The following SUGCT variants were observed in gnomAD, a reference collection of about 807,000 sequenced individuals.
SUGCT encodes succinyl-CoA:glutarate-CoA transferase.
Under a neutral mutation model 55.0 loss-of-function variants are expected in SUGCT, and 41 were observed. That is an observed-to-expected ratio of 0.74 (90% CI 0.58 to 0.97). SUGCT has a LOEUF of 0.97. SUGCT is among the 50% of genes least tolerant of loss of function. SUGCT has a pLI of 0.00. For missense variants in SUGCT, 568 were observed against 547.8 expected, an observed-to-expected ratio of 1.04 and a Z score of -0.37; for synonymous variants, 187 against 200.4, an observed-to-expected ratio of 0.93 and a Z score of 0.56.
the SUGCT span, among the ~76,000 whole-genome samples, chr7:41,034,904 T>C: frequency 2.0e-5 from 3 of 152,172 alleles, no homozygotes; most frequent in African/African-American, 7.2e-5. Context: ...GAGTTGAGAA[T>C]TTGAATAGCG....
At chr7:40,279,215 T>C (rs933402048) in intron 8 of SUGCT, among the ~76,000 whole-genome samples, 1 of 152,112 alleles carries the variant, frequency 6.6e-6, no homozygotes, top group African/African-American at 2.4e-5. Flanking sequence ...CCATGAGAGA[T>C]AAAGGAAGTT....
At chr7:40,153,936 G>A (rs11760739) in intron 1 of SUGCT, 152,580 of 355,406 alleles carry the variant, frequency 0.43, 35,453 homozygotes, top group Middle Eastern at 0.59. Context: ...TATGGGAGAT[G>A]AGTTGCGTCT....
At chr7:40,621,069 C>A (rs1296248428) in intron 12 of SUGCT, among the ~76,000 whole-genome samples, 1 of 152,102 alleles carries the variant, frequency 6.6e-6, no homozygotes, top group East Asian at 1.9e-4. Context: ...AAATAAGCAT[C>A]AATGTTTTTT....
At chr7:40,779,690 C>T (rs941147255) in intron 13 of SUGCT, among the ~76,000 whole-genome samples, 1 of 152,180 alleles carries the variant, frequency 6.6e-6, no homozygotes, top group Non-Finnish European at 1.5e-5. Context: ...CTCTAAAGAG[C>T]AGAAGAGAGC....
In SUGCT at chr7:40,611,489, G is replaced by A. The variant is rs994893615; in HGVS notation, c.1089+115103G>A. 5.8e-4 allele frequency among the ~76,000 whole-genome samples: 89 copies of A among 152,286 alleles called. No homozygotes were observed. The Middle Eastern group carries it at 0.01, about 17-fold the overall frequency. ...ACAAACTTCAGGAAATAGGGTTACT[G>A]GATCTTCATGTGGAGTGTTGCTTTT... is the stretch of plus-strand genomic sequence containing the variant. On this transcript the variant is annotated intron_variant, in intron 12 of 13. Coordinates refer to ENST00000335693, the MANE Select transcript of SUGCT (RefSeq NM_001193313.2).
At chr7:40,336,912 A>T (rs935098473) in intron 9 of SUGCT, among the ~76,000 whole-genome samples, 6 of 152,062 alleles carry the variant, frequency 3.9e-5, no homozygotes, top group African/African-American at 1.2e-4. Context: ...CTCTACACAC[A>T]GCTTTAAATG....
chr7:40,884,300 C>G, the SUGCT span, among the ~76,000 whole-genome samples: 46 of 152,312 alleles, frequency 3.0e-4, no homozygotes, highest in African/African-American at 1.1e-3. Flanking sequence ...AGATTTGTAT[C>G]AACATTAATG....
intron 12 of SUGCT, among the ~76,000 whole-genome samples, chr7:40,553,453 C>T (rs762241666): frequency 1.3e-5 from 2 of 152,158 alleles, no homozygotes; most frequent in Admixed American, 6.5e-5. Context: ...ATTGCACTTG[C>T]ATGTTTTCTC....
intron 9 of SUGCT, among the ~76,000 whole-genome samples, chr7:40,381,572 C>T (rs1038031417): frequency 2.0e-5 from 3 of 152,098 alleles, no homozygotes; most frequent in Non-Finnish European, 4.4e-5. Context: ...AATTCAGTAA[C>T]TTCCTAATTG....
chr7:40,775,651 C>T (rs979494983), intron 13 of SUGCT: 2 of 152,176 alleles, frequency 1.3e-5, no homozygotes, highest in Non-Finnish European at 2.9e-5. Flanking sequence ...ATGGACATAC[C>T]TTATGCCTTT....
chr7:40,189,171 G>C (rs544645562), intron 4 of SUGCT, among the ~76,000 whole-genome samples: 1 of 151,940 alleles, frequency 6.6e-6, no homozygotes. Flanking sequence ...GCGATACCCC[G>C]TCTCTACTAA....
At chr7:40,541,742 T>C (rs1015650390) in intron 12 of SUGCT, among the ~76,000 whole-genome samples, 3 of 152,220 alleles carry the variant, frequency 2.0e-5, no homozygotes, top group Admixed American at 6.5e-5. Flanking sequence ...CAAAGGAATG[T>C]AAATATAACA....
the SUGCT span, among the ~76,000 whole-genome samples, chr7:40,915,031 G>T: frequency 6.6e-6 from 1 of 152,152 alleles, no homozygotes; most frequent in Admixed American, 6.5e-5. Flanking sequence ...AACCTAATCA[G>T]GAAGATAGGG....
At chr7:40,333,699 AT>A (rs1796488180) in intron 9 of SUGCT, among the ~76,000 whole-genome samples, 2 of 132,882 alleles carry the variant, frequency 1.5e-5, no homozygotes, top group Admixed American at 7.8e-5. Flanking sequence ...ATATATATAT[AT>A]ATAAATATTT....
chr7:40,865,144 A>AC (rs949264537), downstream of SUGCT, among the ~76,000 whole-genome samples: 2 of 142,206 alleles, frequency 1.4e-5, no homozygotes, highest in Non-Finnish European at 3.1e-5. Context: ...TTATCTTCCA[A>AC]CCCCCCCTCC....
chr7:40,352,744 C>T (rs965319087), intron 9 of SUGCT, among the ~76,000 whole-genome samples: 4 of 152,120 alleles, frequency 2.6e-5, no homozygotes, highest in African/African-American at 7.2e-5. Flanking sequence ...CATACGCGTG[C>T]GTGTGTCTTT....
chr7:40,249,348 A>ATATATATATATATATATAG (rs1790194414), intron 7 of SUGCT, among the ~76,000 whole-genome samples: 1 of 69,450 alleles, frequency 1.4e-5, no homozygotes, highest in African/African-American at 5.5e-5. Context: ...TATATATATA[A>ATATATATATATATATATAG]TTATATTATA....
At chr7:40,906,104 T>A in the SUGCT span, among the ~76,000 whole-genome samples, 1 of 152,156 alleles carries the variant, frequency 6.6e-6, no homozygotes, top group Non-Finnish European at 1.5e-5. Flanking sequence ...TCACCATCCA[T>A]TTCCAGAGCT....
chr7:40,392,452 G>A (rs1041515104), intron 9 of SUGCT, among the ~76,000 whole-genome samples: 4 of 152,076 alleles, frequency 2.6e-5, no homozygotes, highest in African/African-American at 9.7e-5. Context: ...CGGGTAGAGG[G>A]TAATGGGTGG....
Sources: allele counts gnomAD v4.1 joint callset (sites outside exome capture counted in the v4.1 genomes callset), GRCh38; gene constraint gnomAD v4.1.1; transcripts MANE v1.5; gene names NCBI Gene and HGNC (gene_info 2026-07-23, HGNC 2026-07-21).